The following MAPK14 variants were observed in gnomAD, a reference collection of about 807,000 sequenced individuals.
The protein encoded by MAPK14 is mitogen-activated protein kinase 14, also known as CSAID-binding protein.
A neutral mutation model predicts 49.6 loss-of-function variants in MAPK14; 16 were observed. The observed-to-expected ratio is 0.32, with a 90% CI of 0.22 to 0.49. MAPK14 has a LOEUF of 0.49. Among genes scored for constraint, MAPK14 ranks in the 20% least tolerant of loss-of-function variants. The probability of loss-of-function intolerance (pLI) is 0.99; values close to 1 mark genes in which losing one functional copy is unlikely to be tolerated. For synonymous variants in MAPK14, 142 were observed against 158.0 expected, an observed-to-expected ratio of 0.90 and a Z score of 0.76; for missense variants, 200 against 441.2, an observed-to-expected ratio of 0.45 and a Z score of 4.90.
chr6:36,104,355 AC>A (rs1201877099), intron 10 of MAPK14, among the ~76,000 whole-genome samples: 1 of 151,852 alleles, frequency 6.6e-6, no homozygotes, highest in Non-Finnish European at 1.5e-5. Context: ...AGCCTTAAGT[AC>A]TACAGGATGT....
intron 6 of MAPK14, among the ~76,000 whole-genome samples, chr6:36,074,952 C>T (rs537177461): frequency 2.8e-3 from 417 of 150,364 alleles, no homozygotes; most frequent in Non-Finnish European, 3.7e-3. Context: ...TATGGCCAGG[C>T]GTGGTGGCTC....
At chr6:36,118,861 G>T in the MAPK14 span, among the ~76,000 whole-genome samples, 1 of 152,288 alleles carries the variant, frequency 6.6e-6, no homozygotes, top group African/African-American at 2.4e-5. Flanking sequence ...TTCACGGTGA[G>T]GAAACAGCCC....
intron 1 of MAPK14, among the ~76,000 whole-genome samples, chr6:36,030,310 A>G (rs900242278): frequency 1.3e-5 from 2 of 152,248 alleles, no homozygotes; most frequent in African/African-American, 4.8e-5. Context: ...AGCCAGCAGT[A>G]TCTGACACTT....
chr6:36,074,296 T>C (rs1764430373), intron 6 of MAPK14, among the ~76,000 whole-genome samples, 200 bp downstream of exon 6: 1 of 152,158 alleles, frequency 6.6e-6, no homozygotes, highest in African/African-American at 2.4e-5. Flanking sequence ...GTTTTTATTT[T>C]AACATAAAGT....
At chr6:36,114,532 C>T (rs182748824), downstream of MAPK14, among the ~76,000 whole-genome samples, 370 of 151,498 alleles carry the variant, frequency 2.4e-3, 3 homozygotes, top group African/African-American at 8.0e-3. Context: ...GCAGGAGAAT[C>T]GCTTGAACCT....
chr6:36,040,263 A>G (rs370496017), intron 1 of MAPK14, among the ~76,000 whole-genome samples: 152 of 152,252 alleles, frequency 1.0e-3, no homozygotes, highest in African/African-American at 3.2e-3. Context: ...ACTAATAGCA[A>G]TTCCCAGTTG....
intron 1 of MAPK14, among the ~76,000 whole-genome samples, chr6:36,031,895 C>A (rs1312382926): frequency 6.6e-6 from 1 of 152,106 alleles, no homozygotes; most frequent in Admixed American, 6.5e-5. Flanking sequence ...TGTGTGACTT[C>A]TTGAACTGGA....
rs1226264749 is a variant in MAPK14, at chr6:36,037,891, A to AG, written c.116+9620dup. 5.9e-5 allele frequency among the ~76,000 whole-genome samples: 9 copies of AG among 151,972 alleles called. No homozygotes were observed. The South Asian group carries it at 1.5e-3, about 24-fold the overall frequency. On this transcript the variant is annotated intron_variant, in intron 1 of 11. Transcript: ENST00000229794. Reference sequence around the variant, plus strand: ...GTAGTTCCAACTACTTGGGAGGCTGAGGTGGAGGGATTGCTTGAGCCTAAG... The same window carrying AG: ...GTAGTTCCAACTACTTGGGAGGCTGAGGGTGGAGGGATTGCTTGAGCCTAAG...
In MAPK14 at chr6:36,108,965, A is replaced by G. The variant is rs567981168; in HGVS notation, c.*518A>G. On this transcript the variant is annotated 3_prime_UTR_variant, in exon 12 of 12. Transcript: ENST00000229794. ...TGATACGTACAGCCAAAAAGGACCA[A>G]CTGGCTTCTGTGCACTAGCCTGTGA... is the stretch of plus-strand genomic sequence containing the variant. The G allele has an allele frequency of 1.3e-5, 2 of 158,450 alleles. No individual in the cohort carries two copies. The highest frequency in any genetic ancestry group is 1.8e-4 in the South Asian group (1 of 5,558). 9.8% of individuals were successfully genotyped at this position (158,450 alleles called of 1,614,324 possible). A position where few individuals can be genotyped will look rare whatever the true frequency, so the allele number is the denominator to read the frequency against.
chr6:36,073,154 A>G (rs1764377077), intron 4 of MAPK14, 170 bp downstream of exon 4: 2 of 610,886 alleles, frequency 3.3e-6, no homozygotes, highest in Admixed American at 5.4e-5. Context: ...CAGTGACAAC[A>G]GTTACCGACA....
intron 7 of MAPK14, 59 bp downstream of exon 7, chr6:36,076,021 A>G: frequency 6.4e-7 from 1 of 1,555,870 alleles, no homozygotes; most frequent in Admixed American, 1.8e-5. Context: ...TGCATTTGGG[A>G]TTCTCAGAAA....
chr6:36,101,802 G>A (rs1229844402), intron 9 of MAPK14, among the ~76,000 whole-genome samples: 3 of 152,164 alleles, frequency 2.0e-5, no homozygotes, highest in African/African-American at 4.8e-5. Context: ...GTGAGTCACC[G>A]TGCCTGGGCA....
At chr6:36,114,299 C>T (rs1301366572), downstream of MAPK14, among the ~76,000 whole-genome samples, 2 of 152,142 alleles carry the variant, frequency 1.3e-5, no homozygotes, top group Admixed American at 6.6e-5. Context: ...GAGTTAACAC[C>T]CACTGGCCTG....
chr6:36,040,014 A>G (rs904105380), intron 1 of MAPK14, among the ~76,000 whole-genome samples: 3 of 151,662 alleles, frequency 2.0e-5, no homozygotes, highest in African/African-American at 4.8e-5. Flanking sequence ...AAAAAAAAAG[A>G]AAGTATCAGT....
intron 3 of MAPK14, 56 bp downstream of exon 3, chr6:36,059,403 CATTTCT>C: frequency 8.3e-7 from 1 of 1,200,804 alleles, no homozygotes. Context: ...ACTAATAGCC[CATTTCT>C]ATTCCTGAAC....
At chr6:36,117,817 A>C in the MAPK14 span, among the ~76,000 whole-genome samples, 1 of 152,178 alleles carries the variant, frequency 6.6e-6, no homozygotes, top group South Asian at 2.1e-4. Context: ...TGTCCCTGTC[A>C]CCTAGCTTGG....
intron 8 of MAPK14, among the ~76,000 whole-genome samples, chr6:36,077,962 A>G (rs1764597446): frequency 1.3e-5 from 2 of 152,126 alleles, no homozygotes; most frequent in Admixed American, 6.6e-5. Context: ...TGCTGTCCTG[A>G]TGCTATTCTC....
intron 6 of MAPK14, 62 bp from the exon 7 acceptor site, chr6:36,075,786 T>G (rs750890737): frequency 5.0e-6 from 8 of 1,596,652 alleles, no homozygotes; most frequent in East Asian, 2.2e-5. Context: ...TGTTGTTTTG[T>G]TTTTTTTTCC....
At chr6:36,071,770 G>C (rs938565272) in intron 3 of MAPK14, among the ~76,000 whole-genome samples, 6 of 152,202 alleles carry the variant, frequency 3.9e-5, no homozygotes, top group Non-Finnish European at 8.8e-5. Context: ...CATGCAGTAA[G>C]TTATACTATA....
Sources: gnomAD v4.1 joint callset for allele counts (sites outside exome capture counted in the v4.1 genomes callset) on GRCh38, gnomAD v4.1.1 for gene constraint, MANE v1.5 for transcripts, NCBI Gene and HGNC (gene_info 2026-07-23, HGNC 2026-07-21) for gene names.